PXDNL: variants seen among roughly 807,000 people sequenced by gnomAD.
PXDNL encodes the protein peroxidasin like.
A neutral mutation model predicts 150.8 loss-of-function variants in PXDNL; 145 were observed. That is an observed-to-expected ratio of 0.96 (90% CI 0.84 to 1.10). The LOEUF (loss-of-function observed/expected upper bound fraction) is 1.10, where lower values mean the gene tolerates loss of function less well. PXDNL is among the 50% of genes least tolerant of loss of function. The probability of loss-of-function intolerance (pLI) is 0.00; values close to 1 mark genes in which losing one functional copy is unlikely to be tolerated. For missense variants in PXDNL, 2,087 were observed against 1,873.9 expected (o/e 1.11, Z -2.10); for synonymous variants, 757 against 725.7 (o/e 1.04, Z -0.69).
chr8:51,466,582 T>C (rs751912588), intron 8 of PXDNL, among the ~76,000 whole-genome samples: 1 of 151,970 alleles, frequency 6.6e-6, no homozygotes, highest in African/African-American at 2.4e-5. Flanking sequence ...CACAGCAAGA[T>C]AAACTATCAA....
In PXDNL at chr8:51,408,616, T is replaced by A. The variant is rs748112053; in HGVS notation, c.3008A>T (p.Lys1003Met). The A allele has an allele frequency of 6.2e-7, 1 of 1,610,040 alleles. No homozygotes were observed. The highest frequency in any genetic ancestry group is 8.5e-7 in the Non-Finnish European group (1 of 1,178,228). Residue 1003 changes from lysine (K) to methionine (M), a missense_variant, in exon 17 of 23, where the codon AAG becomes ATG. Coordinates refer to ENST00000356297, the MANE Select transcript of PXDNL (RefSeq NM_144651.5). ...EGNTVYQEAR[K>M]IVGAELQHIT... ...GTGCTGCAGCTCCGCGCCCACGATC[T>A]TCCTGGCTTCCTGGTAAACCGTGTT...
rs11774588 is a variant in PXDNL at position 51,345,869 on chromosome 8, A to T, written c.3980T>A (p.Val1327Asp). ...KKRSAQYSYPVDKDMELSHLR... is the reference protein window; with the variant it reads ...KKRSAQYSYPDDKDMELSHLR... ...ATGACTTAACTCCATATCCTTATCA[A>T]CAGGATAGCTGTATTGAGCTGAGCG... The change falls in exon 20 of 23, where the codon GTT becomes GAT. Residue 1327 changes from valine to aspartate, a missense_variant. Val to Asp is a radical substitution (Grantham distance 152). Coordinates refer to ENST00000356297, the MANE Select transcript of PXDNL (RefSeq NM_144651.5). 31,100 of 1,612,452 alleles carry T rather than the reference A, an allele frequency of 0.019. 724 individuals are homozygous for T. Among genetic ancestry groups the T allele is most frequent in the African/African-American group, 0.11 (8,220 of 74,978 alleles).
intron 4 of PXDNL, among the ~76,000 whole-genome samples, chr8:51,526,859 C>T (rs1811780633): frequency 6.6e-6 from 1 of 152,194 alleles, no homozygotes; most frequent in Non-Finnish European, 1.5e-5. Flanking sequence ...GACATCTCCA[C>T]CTGGGTGTCC....
intron 16 of PXDNL, among the ~76,000 whole-genome samples, chr8:51,410,927 C>T (rs1808621099): frequency 6.6e-6 from 1 of 152,082 alleles, no homozygotes; most frequent in Non-Finnish European, 1.5e-5. Context: ...AGAATATCCC[C>T]CTGGTAATAA....
intron 17 of PXDNL, among the ~76,000 whole-genome samples, chr8:51,405,197 C>T (rs1038347586): frequency 3.3e-5 from 5 of 152,174 alleles, no homozygotes; most frequent in South Asian, 2.1e-4. Flanking sequence ...AGCCGGCTTC[C>T]GCCTGGGCCA....
At chr8:51,575,941 T>C (rs1392452602) in intron 3 of PXDNL, among the ~76,000 whole-genome samples, 2 of 151,930 alleles carry the variant, frequency 1.3e-5, no homozygotes, top group Non-Finnish European at 2.9e-5. Context: ...ATTTTATAAT[T>C]ATTTTAAAAA....
chr8:51,766,345 T>A (rs2037231693), intron 1 of PXDNL, among the ~76,000 whole-genome samples: 1 of 152,238 alleles, frequency 6.6e-6, no homozygotes, highest in Non-Finnish European at 1.5e-5. Context: ...GTCATTATTA[T>A]TTTATCCAGT....
Position 51,483,547 on chromosome 8 carries a change from C to T in PXDNL, c.524+96G>A, listed in dbSNP as rs1810651336. ...CATGCTAGAATTGCAATGTCTTTCACAGGAAAAGCAGGAGAAGGCAACCAA... is the reference window on the plus strand; with the variant it reads ...CATGCTAGAATTGCAATGTCTTTCATAGGAAAAGCAGGAGAAGGCAACCAA... On this transcript the variant is annotated intron_variant, in intron 6 of 22. Coordinates refer to ENST00000356297, the MANE Select transcript of PXDNL (RefSeq NM_144651.5). 1.6e-5 allele frequency: 12 copies of T among 768,162 alleles called. No individual in the cohort carries two copies. The East Asian group carries it at 3.2e-4, about 21-fold the overall frequency. 47.6% of individuals were successfully genotyped at this position (768,162 alleles called of 1,614,324 possible). A position where few individuals can be genotyped will look rare whatever the true frequency, so the allele number is the denominator to read the frequency against.
chr8:51,788,464 A>C (rs933907892), intron 1 of PXDNL, among the ~76,000 whole-genome samples: 1 of 152,242 alleles, frequency 6.6e-6, no homozygotes, highest in Non-Finnish European at 1.5e-5. Flanking sequence ...TCCAGCTTGG[A>C]CATGAAATGA....
intron 1 of PXDNL, among the ~76,000 whole-genome samples, chr8:51,725,066 C>T (rs1208300536): frequency 6.6e-6 from 1 of 152,116 alleles, no homozygotes; most frequent in Non-Finnish European, 1.5e-5. Flanking sequence ...TGGCTCTCTG[C>T]AGGTTCGAAC....
intron 4 of PXDNL, among the ~76,000 whole-genome samples, chr8:51,517,577 C>T (rs2979114): frequency 0.021 from 3,135 of 152,188 alleles, 40 homozygotes; most frequent in Middle Eastern, 0.041. Context: ...TTCTAAAATG[C>T]CAGTGCAAAA....
intron 12 of PXDNL, among the ~76,000 whole-genome samples, chr8:51,439,146 G>A (rs1295958838): frequency 6.6e-6 from 1 of 152,078 alleles, no homozygotes; most frequent in East Asian, 1.9e-4. Flanking sequence ...ACAACCCACA[G>A]AATAGAAGAA....
chr8:51,510,469 G>C (rs1811388446), intron 4 of PXDNL, among the ~76,000 whole-genome samples: 2 of 152,196 alleles, frequency 1.3e-5, no homozygotes, highest in Admixed American at 1.3e-4. Context: ...GGAGTAGAAA[G>C]CAGAAATAAA....
chr8:51,462,934 C>T (rs1456546188), intron 8 of PXDNL, among the ~76,000 whole-genome samples: 1 of 152,148 alleles, frequency 6.6e-6, no homozygotes, highest in Non-Finnish European at 1.5e-5. Flanking sequence ...GCAGACTTCT[C>T]AGCAGAAACC....
At chr8:51,325,817 C>T (rs1326109275) in intron 21 of PXDNL, among the ~76,000 whole-genome samples, 1 of 152,188 alleles carries the variant, frequency 6.6e-6, no homozygotes, top group Non-Finnish European at 1.5e-5. Context: ...TCAGTATACC[C>T]TGGGGAGAGT....
At chr8:51,447,711 T>C (rs1446071121) in intron 11 of PXDNL, among the ~76,000 whole-genome samples, 1 of 152,226 alleles carries the variant, frequency 6.6e-6, no homozygotes, top group Admixed American at 6.5e-5. Context: ...TTTACTCTTA[T>C]GGTCATTAAC....
At chr8:51,405,032 C>T (rs1055755939) in intron 17 of PXDNL, among the ~76,000 whole-genome samples, 7 of 152,194 alleles carry the variant, frequency 4.6e-5, no homozygotes, top group Admixed American at 2.6e-4. Context: ...GCGCACCCTC[C>T]GCAGCTGCTG....
intron 17 of PXDNL, among the ~76,000 whole-genome samples, chr8:51,405,271 G>A (rs977568875): frequency 1.1e-4 from 17 of 152,222 alleles, no homozygotes; most frequent in Middle Eastern, 3.2e-3. Context: ...CGGCCTGAGT[G>A]GGTACCGAGG....
chr8:51,546,888 C>A (rs1215986471), intron 4 of PXDNL, among the ~76,000 whole-genome samples: 1 of 152,152 alleles, frequency 6.6e-6, no homozygotes, highest in Non-Finnish European at 1.5e-5. Context: ...TCCCCCAGTT[C>A]TCTGAAAACC....
Sources: gnomAD v4.1 joint callset for allele counts (sites outside exome capture counted in the v4.1 genomes callset) on GRCh38, gnomAD v4.1.1 for gene constraint, MANE v1.5 for transcripts, NCBI Gene and HGNC (gene_info 2026-07-23, HGNC 2026-07-21) for gene names.